TCAIM: variants seen among roughly 807,000 people sequenced by gnomAD.
TCAIM encodes T-cell activation inhibitor, mitochondrial.
A neutral mutation model predicts 58.6 loss-of-function variants in TCAIM; 36 were observed. That is an observed-to-expected ratio of 0.61 (90% CI 0.47 to 0.81). The LOEUF is 0.81. TCAIM is among the 30% of genes least tolerant of loss of function. The pLI, the probability that TCAIM is intolerant of heterozygous loss-of-function variation, is 0.00. For synonymous variants in TCAIM, 172 were observed against 193.6 expected (o/e 0.89, Z 0.93); for missense variants, 466 against 579.6 (o/e 0.80, Z 2.01).
intron 8 of TCAIM, among the ~76,000 whole-genome samples, chr3:44,397,768 A>G (rs1701956998): frequency 6.6e-6 from 1 of 152,184 alleles, no homozygotes; most frequent in South Asian, 2.1e-4. Flanking sequence ...ATCTCATTCA[A>G]TGTGTAATTT....
intron 8 of TCAIM, among the ~76,000 whole-genome samples, chr3:44,397,809 A>G (rs1342831145): frequency 6.6e-6 from 1 of 152,216 alleles, no homozygotes; most frequent in Non-Finnish European, 1.5e-5. Flanking sequence ...AATGGTGAGC[A>G]TCTTTTCATG....
At chr3:44,377,974 G>A (rs1347674356) in intron 5 of TCAIM, among the ~76,000 whole-genome samples, 1 of 152,120 alleles carries the variant, frequency 6.6e-6, no homozygotes, top group Non-Finnish European at 1.5e-5. Flanking sequence ...CTTTTGCACA[G>A]CAAAAGAAAC....
At chr3:44,340,635 G>C (rs1700837267) in intron 1 of TCAIM, 1 of 151,920 alleles carries the variant, frequency 6.6e-6, no homozygotes, top group Non-Finnish European at 1.5e-5. Flanking sequence ...AACATTAACA[G>C]ATGCCCCAGA....
intron 5 of TCAIM, among the ~76,000 whole-genome samples, chr3:44,370,070 T>TA (rs1174533494): frequency 5.1e-5 from 6 of 117,182 alleles, no homozygotes; most frequent in Non-Finnish European, 1.1e-4. Context: ...ATAGATAAGT[T>TA]ATGTTGCTGT....
Position 44,392,145 on chromosome 3 carries a change from A to G in TCAIM, c.573-710A>G, listed in dbSNP as rs145985746. ...GATATAATTAAAATTTAATTTTTTA[A>G]TATGCAAAGGAAGTTGTCATAACTA... On this transcript the variant is annotated intron_variant, in intron 5 of 10. Coordinates refer to ENST00000342649, the MANE Select transcript of TCAIM (RefSeq NM_173826.4). 8.1e-3 allele frequency among the ~76,000 whole-genome samples: 1,233 copies of G among 152,306 alleles called. 23 individuals are homozygous for G. The highest frequency in any genetic ancestry group is 0.028 in the African/African-American group (1,151 of 41,562).
intron 4 of TCAIM, chr3:44,362,738 A>T (rs1366498586): frequency 1.2e-5 from 3 of 246,912 alleles, no homozygotes; most frequent in Non-Finnish European, 2.3e-5. Context: ...AAGCATGTTG[A>T]TCACTCTAAG....
At chr3:44,376,045 C>T (rs929453557) in intron 5 of TCAIM, among the ~76,000 whole-genome samples, 1 of 152,154 alleles carries the variant, frequency 6.6e-6, no homozygotes, top group African/African-American at 2.4e-5. Context: ...ACCTTGAAAA[C>T]ATGCTAAGTC....
chr3:44,386,833 G>T (rs1182204741), intron 5 of TCAIM, among the ~76,000 whole-genome samples: 1 of 152,252 alleles, frequency 6.6e-6, no homozygotes, highest in Admixed American at 6.5e-5. Flanking sequence ...GGGTACCATG[G>T]ACGGCATGTT....
intron 8 of TCAIM, among the ~76,000 whole-genome samples, chr3:44,398,471 A>AGATC (rs1701972996): frequency 6.6e-6 from 1 of 151,972 alleles, no homozygotes; most frequent in East Asian, 1.9e-4. Flanking sequence ...ATAGATAGAT[A>AGATC]GATAGATAGA....
At chr3:44,348,977 C>G (rs558901566) in intron 1 of TCAIM, among the ~76,000 whole-genome samples, 1 of 152,196 alleles carries the variant, frequency 6.6e-6, no homozygotes, top group Admixed American at 6.5e-5. Context: ...CAGAACGAAA[C>G]TGTAAGCTGG....
At chr3:44,391,999 T>C (rs1701845950) in intron 5 of TCAIM, among the ~76,000 whole-genome samples, 1 of 152,204 alleles carries the variant, frequency 6.6e-6, no homozygotes. Context: ...TACCCTCCCA[T>C]ATGTGTATGA....
intron 10 of TCAIM, among the ~76,000 whole-genome samples, chr3:44,404,859 A>T (rs1182073185): frequency 2.0e-5 from 3 of 151,214 alleles, no homozygotes. Context: ...CTAATAAAAA[A>T]GATTAAAGCT....
chr3:44,347,140 G>A (rs768283709), intron 1 of TCAIM, among the ~76,000 whole-genome samples: 3 of 152,134 alleles, frequency 2.0e-5, no homozygotes, highest in East Asian at 1.9e-4. Flanking sequence ...GGGAGAGCAC[G>A]TGTGTTTTTA....
chr3:44,391,990 A>G (rs573239497), intron 5 of TCAIM, among the ~76,000 whole-genome samples: 1 of 152,076 alleles, frequency 6.6e-6, no homozygotes, highest in Non-Finnish European at 1.5e-5. Flanking sequence ...TATTAGTTCT[A>G]CCCTCCCATA....
At chr3:44,400,891 A>G in intron 9 of TCAIM, 2 of 488,032 alleles carry the variant, frequency 4.1e-6, no homozygotes, top group Non-Finnish European at 7.3e-6. Context: ...TTTGTGGTGT[A>G]TACACTGTTT....
chr3:44,378,597 C>G (rs1478808936), intron 5 of TCAIM, among the ~76,000 whole-genome samples: 1 of 151,354 alleles, frequency 6.6e-6, no homozygotes, highest in Non-Finnish European at 1.5e-5. Flanking sequence ...GCAGGCGAAT[C>G]AAAGGCTGTT....
At chr3:44,387,451 G>A (rs1342379443) in intron 5 of TCAIM, among the ~76,000 whole-genome samples, 1 of 152,186 alleles carries the variant, frequency 6.6e-6, no homozygotes, top group Non-Finnish European at 1.5e-5. Context: ...ACCCTCTTTG[G>A]GACCCCACGG....
intron 5 of TCAIM, among the ~76,000 whole-genome samples, chr3:44,391,972 A>G (rs1186378955): frequency 2.6e-5 from 4 of 152,184 alleles, no homozygotes; most frequent in Admixed American, 6.5e-5. Flanking sequence ...CACTTGCTCC[A>G]TAATTAGTAT....
chr3:44,389,259 C>T (rs1304267744), intron 5 of TCAIM, among the ~76,000 whole-genome samples: 1 of 152,196 alleles, frequency 6.6e-6, no homozygotes, highest in Non-Finnish European at 1.5e-5. Flanking sequence ...CACTGCACTC[C>T]AGCCTGGGTG....
Sources: allele counts gnomAD v4.1 joint callset (sites outside exome capture counted in the v4.1 genomes callset), GRCh38; gene constraint gnomAD v4.1.1; transcripts MANE v1.5; gene names NCBI Gene and HGNC (gene_info 2026-07-23, HGNC 2026-07-21).